The following MAGI1 variants were observed in gnomAD, a reference collection of about 807,000 sequenced individuals.
The protein encoded by MAGI1 is membrane-associated guanylate kinase, WW and PDZ domain-containing protein 1.
A neutral mutation model predicts 139.9 loss-of-function variants in MAGI1; 58 were observed. The ratio of observed to expected loss-of-function variants is 0.41; its 90% CI spans 0.34 to 0.52. The LOEUF (loss-of-function observed/expected upper bound fraction) is 0.52, where lower values mean the gene tolerates loss of function less well. Ranked by LOEUF, MAGI1 falls within the 20% of genes least tolerant of loss-of-function variation. The pLI, the probability that MAGI1 is intolerant of heterozygous loss-of-function variation, is 0.12. For missense variants in MAGI1, 1,874 were observed against 1,901.6 expected, an observed-to-expected ratio of 0.99 and a Z score of 0.27; for synonymous variants, 812 against 737.9, an observed-to-expected ratio of 1.10 and a Z score of -1.63.
At chr3:65,802,848 CTGTGTGTGTGTGTG>C (rs55814110) in intron 1 of MAGI1, among the ~76,000 whole-genome samples, 27 of 138,222 alleles carry the variant, frequency 2.0e-4, no homozygotes, top group African/African-American at 3.0e-4. Flanking sequence ...ATCATCTCAT[CTGTGTGTGTGTGTG>C]TGTGTGTGTG....
chr3:65,752,054 C>T (rs2036197799), intron 1 of MAGI1, among the ~76,000 whole-genome samples: 1 of 152,166 alleles, frequency 6.6e-6, no homozygotes, highest in Non-Finnish European at 1.5e-5. Flanking sequence ...GCCATCATCC[C>T]GCCTCAGCCC....
chr3:65,541,977 A>T (rs2079251513), intron 2 of MAGI1, among the ~76,000 whole-genome samples: 2 of 152,218 alleles, frequency 1.3e-5, no homozygotes, highest in African/African-American at 2.4e-5. Context: ...GAAGAAGTCA[A>T]ATTGTCCCTG....
chr3:65,966,340 G>C (rs1268937302), intron 1 of MAGI1, among the ~76,000 whole-genome samples: 1 of 152,104 alleles, frequency 6.6e-6, no homozygotes, highest in Non-Finnish European at 1.5e-5. Flanking sequence ...TCTCTCTTCT[G>C]CAAGACTGAC....
intron 12 of MAGI1, among the ~76,000 whole-genome samples, chr3:65,410,392 A>G (rs1330855158): frequency 6.6e-6 from 1 of 152,220 alleles, no homozygotes; most frequent in Non-Finnish European, 1.5e-5. Context: ...AACATGGCCA[A>G]TGTCACACAG....
chr3:65,587,485 T>C (rs545597384), intron 2 of MAGI1, among the ~76,000 whole-genome samples: 17 of 142,952 alleles, frequency 1.2e-4, no homozygotes, highest in Admixed American at 5.5e-4. Flanking sequence ...TTTTCTTTTT[T>C]TTTTTTTTTT....
At chr3:65,405,900 C>G (rs11131015) in intron 12 of MAGI1, among the ~76,000 whole-genome samples, 3,805 of 79,394 alleles carry the variant, frequency 0.048, 7 homozygotes, top group South Asian at 0.13. Context: ...GCTAGTTTTT[C>G]TATTTTTAGT....
intron 2 of MAGI1, among the ~76,000 whole-genome samples, chr3:65,549,169 G>T (rs1473934065): frequency 3.3e-5 from 5 of 152,070 alleles, no homozygotes; most frequent in Admixed American, 6.5e-5. Flanking sequence ...CGGGAGGGAC[G>T]CGACCGCCAG....
chr3:65,840,556 A>G (rs1408512809), intron 1 of MAGI1, among the ~76,000 whole-genome samples: 3 of 152,196 alleles, frequency 2.0e-5, no homozygotes, highest in Admixed American at 6.5e-5. Flanking sequence ...AATAAGGTGA[A>G]TTACCTTGAT....
intron 1 of MAGI1, among the ~76,000 whole-genome samples, chr3:65,890,769 C>A (rs2060714159): frequency 6.6e-6 from 1 of 152,194 alleles, no homozygotes; most frequent in Non-Finnish European, 1.5e-5. Flanking sequence ...GAATGGCAAC[C>A]CAGATTCCAA....
chr3:65,812,468 T>TCTCACACACACACACACACACACA (rs1176899313), intron 1 of MAGI1, among the ~76,000 whole-genome samples: 45 of 89,152 alleles, frequency 5.0e-4, no homozygotes, highest in South Asian at 2.9e-3. Flanking sequence ...TCTCTCTCTC[T>TCTCACACACACACACACACACACA]CACACACACA....
intron 1 of MAGI1, among the ~76,000 whole-genome samples, chr3:65,972,791 C>G (rs1378989209): frequency 6.6e-6 from 1 of 152,200 alleles, no homozygotes; most frequent in Non-Finnish European, 1.5e-5. Flanking sequence ...CAGAACAACA[C>G]AAAAACATGT....
At chr3:65,739,726 G>A (rs2035097060) in intron 1 of MAGI1, among the ~76,000 whole-genome samples, 1 of 152,172 alleles carries the variant, frequency 6.6e-6, no homozygotes, top group African/African-American at 2.4e-5. Flanking sequence ...AGAGAGACAT[G>A]GGAAAGGGGG....
At chr3:65,701,518 G>C (rs1467851224) in intron 1 of MAGI1, among the ~76,000 whole-genome samples, 2 of 152,128 alleles carry the variant, frequency 1.3e-5, no homozygotes, top group Non-Finnish European at 2.9e-5. Flanking sequence ...CTCCCAAAAT[G>C]CTAGGATTAC....
chr3:65,434,899 T>C (rs1219324238), intron 10 of MAGI1, among the ~76,000 whole-genome samples: 1 of 152,182 alleles, frequency 6.6e-6, no homozygotes, highest in African/African-American at 2.4e-5. Context: ...CACTATTGAA[T>C]GGTATTTGGA....
chr3:65,636,004 T>C lies in MAGI1; in HGVS notation c.314-13916A>G, dbSNP rs553515263. Among the ~76,000 whole-genome samples the C allele has an allele frequency of 3.9e-5, 6 of 152,218 alleles. No individual in the cohort carries two copies. In the South Asian group the frequency reaches 1.2e-3, roughly 32 times the overall value. ...TGGGTCTGAAAAAAGTGACACAATT[T>C]CCCATCAACAGAGCATCCTTGAGTC... On this transcript the variant is annotated intron_variant, in intron 1 of 22. Coordinates refer to ENST00000402939, the MANE Select transcript of MAGI1 (RefSeq NM_001033057.2).
At chr3:65,740,081 T>C (rs1018810883) in intron 1 of MAGI1, among the ~76,000 whole-genome samples, 6 of 152,188 alleles carry the variant, frequency 3.9e-5, no homozygotes, top group Non-Finnish European at 7.3e-5. Context: ...CAAGCACTAG[T>C]TTATCTGAAG....
At chr3:65,906,167 A>G (rs1348554629) in intron 1 of MAGI1, among the ~76,000 whole-genome samples, 1 of 152,222 alleles carries the variant, frequency 6.6e-6, no homozygotes, top group Non-Finnish European at 1.5e-5. Context: ...ATCTAATAAT[A>G]AAAAGAATAT....
intron 1 of MAGI1, among the ~76,000 whole-genome samples, chr3:65,998,774 G>A (rs867150040): frequency 1.1e-4 from 16 of 151,818 alleles, no homozygotes; most frequent in South Asian, 2.1e-4. Flanking sequence ...ATTTTTACAG[G>A]GTACTATTCC....
intron 1 of MAGI1, among the ~76,000 whole-genome samples, chr3:65,851,226 G>T (rs1049030872): frequency 3.3e-5 from 5 of 152,164 alleles, no homozygotes; most frequent in African/African-American, 1.2e-4. Context: ...CTCAGCCAGG[G>T]ATAAAACTAA....
Sources: gnomAD v4.1 joint callset for allele counts (sites outside exome capture counted in the v4.1 genomes callset) on GRCh38, gnomAD v4.1.1 for gene constraint, MANE v1.5 for transcripts, NCBI Gene and HGNC (gene_info 2026-07-23, HGNC 2026-07-21) for gene names.